NKTR: variants seen among roughly 807,000 people sequenced by gnomAD.
The protein encoded by NKTR is natural killer cell triggering receptor.
Under a neutral mutation model 156.3 loss-of-function variants are expected in NKTR, and 67 were observed. The ratio of observed to expected loss-of-function variants is 0.43; its 90% CI spans 0.35 to 0.53. The LOEUF is 0.53. Ranked by LOEUF, NKTR falls within the 20% of genes least tolerant of loss-of-function variation. The pLI is 0.01. For missense variants in NKTR, 1,604 were observed against 1,730.9 expected (o/e 0.93, Z 1.30); for synonymous variants, 640 against 596.6 (o/e 1.07, Z -1.06).
At position 42,638,223 on chromosome 3, in the gene NKTR, A is replaced by G; in HGVS notation, c.2519A>G (p.Lys840Arg). The part of the protein sequence containing the change: ...QMERTHNKQE[K>R]NRGEEKSKSE... ...GAAAGAACACATAATAAACAAGAAA[A>G]AAACAGAGGTGAAGAAAAATCCAAG... Residue 840 changes from lysine (K) to arginine (R), a missense_variant, in exon 13 of 17, where the codon AAA (lysine) becomes AGA (arginine). Physicochemically the swap from Lys to Arg is conservative, Grantham distance 26. This residue lies in a region of NKTR where 1,255 missense variants were observed against 1,243.7 expected (regional missense o/e 1.01). Coordinates refer to ENST00000232978, the MANE Select transcript of NKTR (RefSeq NM_005385.4). 2 of 1,613,300 alleles carry G rather than the reference A, an allele frequency of 1.2e-6. No individual in the cohort carries two copies. The highest frequency in any genetic ancestry group is 1.7e-6 in the Non-Finnish European group (2 of 1,179,866).
intron 6 of NKTR, among the ~76,000 whole-genome samples, chr3:42,624,706 T>C (rs1392429307): frequency 2.0e-5 from 3 of 152,144 alleles, no homozygotes; most frequent in African/African-American, 7.2e-5. Flanking sequence ...AAGCTCAAAA[T>C]TTTATTAACC....
chr3:42,621,621 TTTA>T, intron 6 of NKTR, 105 bp downstream of exon 6: 1 of 1,135,042 alleles, frequency 8.8e-7, no homozygotes, highest in Non-Finnish European at 1.2e-6. Flanking sequence ...TTCTGTCAGC[TTTA>T]TTTTTATTAT....
At chr3:42,624,758 A>T (rs1014419691) in intron 6 of NKTR, among the ~76,000 whole-genome samples, 1 of 152,172 alleles carries the variant, frequency 6.6e-6, no homozygotes, top group Non-Finnish European at 1.5e-5. Context: ...TAGAAGCATC[A>T]AACATTTTGC....
At chr3:42,621,924 C>G (rs552547511) in intron 6 of NKTR, among the ~76,000 whole-genome samples, 225 of 152,016 alleles carry the variant, frequency 1.5e-3, no homozygotes, top group South Asian at 6.5e-3. Flanking sequence ...TTTGAGTAAA[C>G]CATTGCATGG....
chr3:42,630,651 G>T, intron 7 of NKTR, 76 bp downstream of exon 7: 1 of 1,599,224 alleles, frequency 6.3e-7, no homozygotes, highest in Non-Finnish European at 8.5e-7. Context: ...CCATGGTTGA[G>T]CCCTCAAGGG....
Position 42,638,974 on chromosome 3 carries a change from T to C in NKTR, c.3270T>C (p.Ser1090=), listed in dbSNP as rs1343534368. 6 of 1,613,720 alleles carry C rather than the reference T, an allele frequency of 3.7e-6. No individual in the cohort carries two copies. The South Asian group carries it at 6.6e-5, about 18-fold the overall frequency. Residue 1090 remains serine (S), a synonymous_variant, in exon 13 of 17, where the codon AGT becomes AGC. Coordinates refer to ENST00000232978, the MANE Select transcript of NKTR (RefSeq NM_005385.4). ...TTACTAAAGATGATAGTAAACTCAG[T>C]ATTTCTCCCACAGCTTTAAATACTG... ...DQFTKDDSKL[S]ISPTALNTEE...
In NKTR at chr3:42,646,243, A is replaced by G. The variant is rs1298477536; in HGVS notation, c.*268A>G. The G allele has an allele frequency of 9.1e-6, 3 of 330,298 alleles. No homozygotes were observed. The highest frequency in any genetic ancestry group is 2.1e-5 in the African/African-American group (1 of 47,382). 20.5% of individuals were successfully genotyped at this position (330,298 alleles called of 1,614,324 possible). Reference sequence around the variant, plus strand: ...AATCAAGAAATCGTGAAATTTATCTATGTATAATTTGCAATATTATTTTAA... The same window carrying G: ...AATCAAGAAATCGTGAAATTTATCTGTGTATAATTTGCAATATTATTTTAA... On this transcript the variant is annotated 3_prime_UTR_variant, in exon 17 of 17. Transcript: ENST00000232978.
At chr3:42,605,545 A>G (rs547051506) in intron 2 of NKTR, among the ~76,000 whole-genome samples, 1 of 152,228 alleles carries the variant, frequency 6.6e-6, no homozygotes, top group South Asian at 2.1e-4. Flanking sequence ...TGGAACTACT[A>G]TACAGTTTTG....
At chr3:42,645,838 AAAGATTTTACAGTTAC>A in intron 16 of NKTR, 34 bp from the exon 17 acceptor site, 1 of 1,341,892 alleles carries the variant, frequency 7.5e-7, no homozygotes, top group Non-Finnish European at 1.0e-6. Context: ...AGAGGAATTC[AAAGATTTTACAGTTAC>A]AAGATTTTTA....
intron 2 of NKTR, among the ~76,000 whole-genome samples, chr3:42,608,319 A>G (rs374170634): frequency 1.2e-3 from 182 of 152,218 alleles, no homozygotes; most frequent in Middle Eastern, 0.01. Context: ...AGGGATTCCT[A>G]CAACCCCCTG....
rs764069400 is a variant in NKTR, at chr3:42,632,765, C to T, written c.715C>T (p.Arg239Ter). 1.9e-6 allele frequency: 3 copies of T among 1,611,424 alleles called. No individual in the cohort carries two copies. The highest frequency in any genetic ancestry group is 2.5e-6 in the Non-Finnish European group (3 of 1,179,244). Reference sequence around the variant, plus strand: ...AAAAGTTAAACGTTCTAAAAAGAGGCGAAAGGAAGCAAGCAGTTCAGAAGA... The same window carrying T: ...AAAAGTTAAACGTTCTAAAAAGAGGTGAAAGGAAGCAAGCAGTTCAGAAGA... ...RPKVKRSKKR[R>*]KEASSSEEPR... Residue 239 changes from arginine (R) to a stop codon, truncating the protein, a stop_gained, in exon 9 of 17, where the codon CGA becomes TGA. Transcript: ENST00000232978. LOFTEE classifies it high-confidence loss of function.
intron 5 of NKTR, 86 bp downstream of exon 5, chr3:42,619,794 C>A: frequency 6.4e-7 from 1 of 1,552,598 alleles, no homozygotes; most frequent in Non-Finnish European, 8.7e-7. Flanking sequence ...AAGAGGTTTA[C>A]TTATAGTTCA....
intron 6 of NKTR, chr3:42,628,069 G>A: frequency 1.0e-6 from 1 of 985,210 alleles, no homozygotes; most frequent in Non-Finnish European, 1.2e-6. Context: ...CTTTACATTG[G>A]GATTTCTACT....
At chr3:42,600,683 G>A (rs899608584), upstream of NKTR, 8 of 216,438 alleles carry the variant, frequency 3.7e-5, no homozygotes, top group African/African-American at 1.8e-4. Context: ...GCCTGGGGGA[G>A]GAGACGGCGT....
chr3:42,614,210 C>G (rs1299200482), intron 2 of NKTR, among the ~76,000 whole-genome samples: 1 of 152,158 alleles, frequency 6.6e-6, no homozygotes, highest in Non-Finnish European at 1.5e-5. Context: ...TCCAAAGAGG[C>G]ATCATCAGCA....
rs201803926 is a variant in NKTR at position 42,607,969 on chromosome 3, C to CTTTTTTTTTTTTTTTTTTT, written c.58+6930_58+6948dup. On this transcript the variant is annotated intron_variant, in intron 2 of 16. Transcript: ENST00000232978. ...TGCCAATCGCAAGTCCTGAGTCGCT[C>CTTTTTTTTTTTTTTTTTTT]TTTTTTTTTTTTTTTTTTTTTTTTT... Among the ~76,000 whole-genome samples the CTTTTTTTTTTTTTTTTTTT allele has an allele frequency of 1.7e-4, 13 of 74,964 alleles. 2 individuals carry two copies. The highest frequency in any genetic ancestry group is 2.7e-4 in the Non-Finnish European group (9 of 33,914). 49.2% of individuals were successfully genotyped at this position (74,964 alleles called of 152,430 possible).
intron 2 of NKTR, among the ~76,000 whole-genome samples, chr3:42,609,578 T>G (rs1706567008): frequency 6.6e-6 from 1 of 152,248 alleles, no homozygotes; most frequent in Non-Finnish European, 1.5e-5. Flanking sequence ...GATCATTTTG[T>G]CAAGTTCCCT....
rs910832626 is a variant in NKTR, at chr3:42,639,612, C to T, written c.3908C>T (p.Pro1303Leu). The T allele has an allele frequency of 1.2e-6, 2 of 1,614,170 alleles. No individual in the cohort carries two copies. Among genetic ancestry groups the T allele is most frequent in the African/African-American group, 1.3e-5 (1 of 75,044 alleles). ...GAGAGTTCAAGTGATGAGCAGACGC[C>T]TAGTCGGGATGATGATAGCCAGTCC... is the stretch of plus-strand genomic sequence containing the variant. ...NQESSSDEQT[P>L]SRDDDSQSRS... The change falls in exon 13 of 17, where the codon CCT becomes CTT. Residue 1303 changes from proline to leucine, a missense_variant. Coordinates refer to ENST00000232978, the MANE Select transcript of NKTR (RefSeq NM_005385.4).
chr3:42,643,206 GAAAAC>G (rs1441053942), intron 14 of NKTR, 128 bp from the exon 15 acceptor site: 2 of 710,414 alleles, frequency 2.8e-6, no homozygotes, highest in Non-Finnish European at 4.8e-6. Context: ...CTTTTGATAT[GAAAAC>G]AAAACAAATG....
Sources: gnomAD v4.1 joint callset for allele counts (sites outside exome capture counted in the v4.1 genomes callset) on GRCh38, gnomAD v4.1.1 for gene constraint, gnomAD v4.1.1 regional missense constraint, MANE v1.5 for transcripts, NCBI Gene and HGNC (gene_info 2026-07-23, HGNC 2026-07-21) for gene names.